Variants in CACNA1H observed in about 807,000 individuals in gnomAD.
CACNA1H encodes the protein calcium voltage-gated channel subunit alpha1 H.
In CACNA1H, 149 loss-of-function variants were observed where a neutral mutation model predicts 192.5. The observed-to-expected ratio is 0.77, with a 90% CI of 0.68 to 0.89. CACNA1H has a LOEUF of 0.89. CACNA1H is among the 40% of genes least tolerant of loss of function. The pLI, the probability that CACNA1H is intolerant of heterozygous loss-of-function variation, is 0.00. For missense variants in CACNA1H, 4,257 were observed against 3,423.5 expected (o/e 1.24, Z -6.08); for synonymous variants, 2,202 against 1,475.2 (o/e 1.49, Z -11.29).
intron 5 of CACNA1H, among the ~76,000 whole-genome samples, chr16:1,196,589 T>C (rs1967004659): frequency 6.6e-6 from 1 of 152,192 alleles, no homozygotes; most frequent in Non-Finnish European, 1.5e-5. Flanking sequence ...TGGCCAGGGC[T>C]GGGCCTCCGT....
chr16:1,215,630 CG>C, intron 30 of CACNA1H, 37 bp downstream of exon 30: 1 of 1,572,622 alleles, frequency 6.4e-7, no homozygotes, highest in South Asian at 1.1e-5. Flanking sequence ...CGCAGGCCCC[CG>C]GAAGACGGGG....
intron 2 of CACNA1H, among the ~76,000 whole-genome samples, chr16:1,159,054 C>T (rs1239650294): frequency 2.0e-5 from 3 of 152,374 alleles, no homozygotes; most frequent in African/African-American, 4.8e-5. Flanking sequence ...GCCTGAGGCA[C>T]TTCAGGGTGG....
chr16:1,200,808 C>T lies in CACNA1H; in HGVS notation c.1212C>T (p.Ile404=), dbSNP rs868821283. Residue 404 remains isoleucine, a splice_region_variant and synonymous_variant, in exon 8 of 35, where the codon ATC becomes ATT. Coordinates refer to ENST00000348261, the MANE Select transcript of CACNA1H (RefSeq NM_021098.3). ...YNFIYFILLI[I]VGSFFMINLC... ...TCATCTATTTCATCCTGCTCATCAT[C>T]GTGAGTGTGGGCGGCAGTGTTCGCC... is the stretch of plus-strand genomic sequence containing the variant. 5.8e-6 allele frequency: 9 copies of T among 1,550,438 alleles called. No individual in the cohort carries two copies. The highest frequency in any genetic ancestry group is 2.4e-5 in the South Asian group (2 of 84,080).
chr16:1,210,350 A>ACGCCC lies in CACNA1H; in HGVS notation c.3846-19_3846-18insGCCCC. 1 of 313,946 alleles carries ACGCCC rather than the reference A, an allele frequency of 3.2e-6. No homozygotes were observed. Among genetic ancestry groups the ACGCCC allele is most frequent in the Non-Finnish European group, 4.6e-6 (1 of 215,956 alleles). 19.4% of individuals were successfully genotyped at this position (313,946 alleles called of 1,614,324 possible). On this transcript the variant is annotated intron_variant, in intron 18 of 34. Transcript: ENST00000348261. The stretch of plus-strand genomic sequence containing the variant: ...TCCACGCCGCCCCGCCCCACCTCTC[A>ACGCCC]CCCGCCCCCGCCCACCCAGGTTCCG...
intron 2 of CACNA1H, among the ~76,000 whole-genome samples, chr16:1,182,617 C>T (rs1040990120): frequency 7.9e-5 from 12 of 152,178 alleles, no homozygotes; most frequent in African/African-American, 2.4e-4. Flanking sequence ...GGCCAGGCCC[C>T]TGGGGAGAGG....
chr16:1,216,553 G>T (rs977326734), intron 30 of CACNA1H, among the ~76,000 whole-genome samples: 2 of 152,246 alleles, frequency 1.3e-5, no homozygotes, highest in Non-Finnish European at 2.9e-5. Context: ...TGAGGTAGCC[G>T]CTGAACAGGG....
At chr16:1,201,462 C>T (rs574848299) in intron 8 of CACNA1H, among the ~76,000 whole-genome samples, 1 of 152,294 alleles carries the variant, frequency 6.6e-6, no homozygotes, top group South Asian at 2.1e-4. Context: ...TCCAGATAGG[C>T]ACAAAGCAGC....
At chr16:1,191,862 A>G (rs1357831305) in intron 2 of CACNA1H, among the ~76,000 whole-genome samples, 17 of 108,778 alleles carry the variant, frequency 1.6e-4, no homozygotes, top group African/African-American at 2.3e-4. Context: ...AGGCACACTC[A>G]GGGTTTTGGT....
chr16:1,153,597 T>C (rs1219442716), intron 1 of CACNA1H, 123 bp from the exon 2 acceptor site: 2 of 501,976 alleles, frequency 4.0e-6, no homozygotes, highest in Non-Finnish European at 5.7e-6. Flanking sequence ...GGGGGGCGCG[T>C]TTGTCTCTAA....
In CACNA1H at chr16:1,195,432, G is replaced by A. The variant is rs931243903; in HGVS notation, c.412G>A (p.Ala138Thr). The A allele has an allele frequency of 1.3e-5, 20 of 1,552,352 alleles. No homozygotes were observed. In the Admixed American group the frequency reaches 1.6e-4, roughly 12 times the overall value. Residue 138 changes from alanine to threonine, a missense_variant and splice_region_variant, in exon 4 of 35, where the codon GCC becomes ACC. Transcript: ENST00000348261. ...GCCCTCCTGATGCCTCCTCCCGCAG[G>A]CCTTTGACGCCTTCATTTTCGCCTT... ...CGSERCNILEAFDAFIFAFFA... is the reference protein window; with the variant it reads ...CGSERCNILETFDAFIFAFFA...
intron 16 of CACNA1H, among the ~76,000 whole-genome samples, chr16:1,208,714 G>C (rs1326538056): frequency 6.6e-6 from 1 of 152,204 alleles, no homozygotes; most frequent in Non-Finnish European, 1.5e-5. Context: ...CGGGGCAGCT[G>C]TGAGGCAGAG....
rs747456576 is a variant in CACNA1H at position 1,207,341 on chromosome 16, G to T, written c.2974G>T (p.Ala992Ser). 5.0e-6 allele frequency: 8 copies of T among 1,612,076 alleles called. No homozygotes were observed. The highest frequency in any genetic ancestry group is 6.8e-6 in the Non-Finnish European group (8 of 1,179,298). Residue 992 changes from alanine to serine, a missense_variant, in exon 14 of 35, where the codon GCC becomes TCC. Ala to Ser is a moderately conservative substitution (Grantham distance 99). Transcript: ENST00000348261. Reference protein sequence around the residue: ...NGMASTSSWAALYFVALMTFG... With the variant: ...NGMASTSSWASLYFVALMTFG... ...CATGGCCTCCACCTCCTCCTGGGCC[G>T]CCCTCTACTTCGTGGCCCTCATGAC...
At chr16:1,201,380 A>G (rs1447774897) in intron 8 of CACNA1H, among the ~76,000 whole-genome samples, 1 of 152,128 alleles carries the variant, frequency 6.6e-6, no homozygotes, top group Non-Finnish European at 1.5e-5. Flanking sequence ...GGGTCATCTC[A>G]AGGCCAGATC....
rs11860181 is a variant in CACNA1H, at chr16:1,184,990, C to G, written c.300-9982C>G. Among the ~76,000 whole-genome samples the G allele has an allele frequency of 8.4e-3, 1,276 of 152,280 alleles. 25 individuals carry two copies. Among genetic ancestry groups the G allele is most frequent in the African/African-American group, 0.029 (1,218 of 41,550 alleles). The stretch of plus-strand genomic sequence containing the variant: ...GTTGAACCATCACCTCTGCCTAGTT[C>G]TGGAATGTTTCCCTCACTCCAGAAG... On this transcript the variant is annotated intron_variant, in intron 2 of 34. Coordinates refer to ENST00000348261, the MANE Select transcript of CACNA1H (RefSeq NM_021098.3).
intron 5 of CACNA1H, 81 bp from the exon 6 acceptor site, chr16:1,198,534 C>CG: frequency 6.6e-7 from 1 of 1,506,004 alleles, no homozygotes; most frequent in Admixed American, 1.7e-5. Context: ...GGACGGGGCT[C>CG]GGGGGTCCCG....
In CACNA1H at chr16:1,179,693, T is replaced by G. The variant is rs951875741; in HGVS notation, c.300-15279T>G. ...ATCCACCCGCCTCAGCCTCCCAAAGTGTTGGGATGACAGGTGTGAGCCACC... is the reference window on the plus strand; with the variant it reads ...ATCCACCCGCCTCAGCCTCCCAAAGGGTTGGGATGACAGGTGTGAGCCACC... On this transcript the variant is annotated intron_variant, in intron 2 of 34. Transcript: ENST00000348261. Among the ~76,000 whole-genome samples, 9 of 149,618 alleles carry G rather than the reference T, an allele frequency of 6.0e-5. No individual in the cohort carries two copies. In the South Asian group the frequency reaches 6.4e-4, roughly 11 times the overall value.
At chr16:1,181,040 A>G (rs1965413000) in intron 2 of CACNA1H, among the ~76,000 whole-genome samples, 1 of 152,156 alleles carries the variant, frequency 6.6e-6, no homozygotes, top group Non-Finnish European at 1.5e-5. Flanking sequence ...GTGGTCTCTA[A>G]TTTGGGCCAC....
Position 1,204,313 on chromosome 16 carries a change from C to G in CACNA1H, c.2306C>G (p.Pro769Arg). The G allele has an allele frequency of 6.3e-7, 1 of 1,599,672 alleles. No individual in the cohort carries two copies. Among genetic ancestry groups the G allele is most frequent in the South Asian group, 1.1e-5 (1 of 89,966 alleles). The change falls in exon 10 of 35, where the codon CCG (proline) becomes CGG (arginine). Residue 769 changes from proline to arginine, a missense_variant. Transcript: ENST00000348261. ...CGGCGGGCACAGCAGAGGGCAGCCC[C>G]GGGCGAGCCAGGCTGGATGGGCCGC... ...PQRRAQQRAA[P>R]GEPGWMGRLW...
chr16:1,157,646 C>A (rs993287082), intron 2 of CACNA1H: 1 of 152,308 alleles, frequency 6.6e-6, no homozygotes, highest in African/African-American at 2.4e-5. Flanking sequence ...CCCCTACTGA[C>A]CTTGCATCGT....
Sources: gnomAD v4.1 joint callset for allele counts (sites outside exome capture counted in the v4.1 genomes callset) on GRCh38, gnomAD v4.1.1 for gene constraint, MANE v1.5 for transcripts, NCBI Gene and HGNC (gene_info 2026-07-23, HGNC 2026-07-21) for gene names.